Variants in SH3GL2 observed in about 807,000 individuals in gnomAD.
SH3GL2 encodes the protein endophilin-A1.
A neutral mutation model predicts 46.0 loss-of-function variants in SH3GL2; 24 were observed. The ratio of observed to expected loss-of-function variants is 0.52; its 90% CI spans 0.38 to 0.73. SH3GL2 has a LOEUF of 0.73. SH3GL2 is among the 30% of genes least tolerant of loss of function. SH3GL2 has a pLI of 0.00. For missense variants in SH3GL2, 413 were observed against 424.2 expected, an observed-to-expected ratio of 0.97 and a Z score of 0.23; for synonymous variants, 196 against 147.1, an observed-to-expected ratio of 1.33 and a Z score of -2.40.
At chr9:17,666,842 A>C (rs1820356675) in intron 1 of SH3GL2, among the ~76,000 whole-genome samples, 2 of 152,130 alleles carry the variant, frequency 1.3e-5, no homozygotes, top group African/African-American at 2.4e-5. Context: ...ATTCCCATCC[A>C]TAAAGGCTGT....
At chr9:17,786,238 G>C (rs560548148) in intron 3 of SH3GL2, 143 bp from the exon 4 acceptor site, 2 of 661,048 alleles carry the variant, frequency 3.0e-6, no homozygotes, top group South Asian at 2.3e-5. Flanking sequence ...GACTGACGGA[G>C]AGAACACTGG....
At chr9:17,697,694 T>C (rs1165605972) in intron 1 of SH3GL2, among the ~76,000 whole-genome samples, 1 of 152,178 alleles carries the variant, frequency 6.6e-6, no homozygotes, top group Non-Finnish European at 1.5e-5. Context: ...TGAAACCATA[T>C]CATTGCCCCC....
chr9:17,769,762 C>T (rs1452634095), intron 3 of SH3GL2, among the ~76,000 whole-genome samples: 1 of 152,168 alleles, frequency 6.6e-6, no homozygotes, highest in African/African-American at 2.4e-5. Context: ...GTTTTCACAT[C>T]ACTCCCATTT....
chr9:17,791,424 A>T (rs1206708298), intron 7 of SH3GL2, 90 bp downstream of exon 7: 6 of 969,080 alleles, frequency 6.2e-6, no homozygotes, highest in Non-Finnish European at 9.8e-6. Context: ...ACATTTGGAG[A>T]CAAACGTCTG....
chr9:17,661,072 G>T lies in SH3GL2; in HGVS notation c.45+81785G>T, dbSNP rs548263435. ...AGTTACTCGGGAGGCTGAGGCAGGAGAATCGCTTGAACCTGGGAGGCAGAG... is the reference window on the plus strand; with the variant it reads ...AGTTACTCGGGAGGCTGAGGCAGGATAATCGCTTGAACCTGGGAGGCAGAG... On this transcript the variant is annotated intron_variant, in intron 1 of 8. Coordinates refer to ENST00000380607, the MANE Select transcript of SH3GL2 (RefSeq NM_003026.5). Among the ~76,000 whole-genome samples the T allele has an allele frequency of 2.6e-5, 4 of 152,244 alleles. No homozygotes were observed. The South Asian group carries it at 8.3e-4, about 32-fold the overall frequency.
rs188154710 is a variant in SH3GL2 at position 17,584,905 on chromosome 9, T to A, written c.45+5618T>A. Among the ~76,000 whole-genome samples the A allele has an allele frequency of 2.9e-3, 445 of 152,376 alleles. 1 individual carries two copies. Among genetic ancestry groups the A allele is most frequent in the Non-Finnish European group, 5.0e-3 (343 of 68,040 alleles). ...TGCAAGCTTTTTTCCCCATAGTGAT[T>A]CTTTAATATTTTAAATTGAGTTTAT... On this transcript the variant is annotated intron_variant, in intron 1 of 8. Transcript: ENST00000380607.
chr9:17,638,226 G>A (rs1037541913), intron 1 of SH3GL2, among the ~76,000 whole-genome samples: 4 of 151,842 alleles, frequency 2.6e-5, no homozygotes, highest in Admixed American at 6.6e-5. Context: ...TATCCTAGAG[G>A]GGCCCTTAAA....
At chr9:17,636,456 G>T (rs1235758968) in intron 1 of SH3GL2, among the ~76,000 whole-genome samples, 1 of 152,134 alleles carries the variant, frequency 6.6e-6, no homozygotes, top group Non-Finnish European at 1.5e-5. Flanking sequence ...TAACAGCATG[G>T]CATAACCTGA....
chr9:17,711,959 A>T (rs533340941), intron 1 of SH3GL2, among the ~76,000 whole-genome samples: 2 of 151,902 alleles, frequency 1.3e-5, no homozygotes, highest in South Asian at 4.2e-4. Flanking sequence ...GTTGCTCTAC[A>T]CCCTCACTAA....
chr9:17,645,018 G>T (rs1177213991), intron 1 of SH3GL2, among the ~76,000 whole-genome samples: 1 of 151,990 alleles, frequency 6.6e-6, no homozygotes. Flanking sequence ...TGTATTGGGT[G>T]CATCTATATT....
intron 1 of SH3GL2, among the ~76,000 whole-genome samples, chr9:17,620,418 A>G (rs141616927): frequency 1.3e-5 from 2 of 152,184 alleles, no homozygotes; most frequent in Non-Finnish European, 1.5e-5. Flanking sequence ...ATGTTACTTA[A>G]TTTATTACTC....
intron 1 of SH3GL2, among the ~76,000 whole-genome samples, chr9:17,727,216 G>A (rs1346798087): frequency 3.9e-5 from 6 of 152,018 alleles, no homozygotes; most frequent in Non-Finnish European, 8.8e-5. Flanking sequence ...GGTTGTATGC[G>A]GTATAGTATT....
intron 1 of SH3GL2, among the ~76,000 whole-genome samples, chr9:17,582,078 A>C (rs1353597624): frequency 6.6e-6 from 1 of 152,216 alleles, no homozygotes; most frequent in Non-Finnish European, 1.5e-5. Flanking sequence ...ATGATAAATA[A>C]AACAGTATAT....
At chr9:17,716,950 G>A (rs1001530421) in intron 1 of SH3GL2, among the ~76,000 whole-genome samples, 1 of 152,076 alleles carries the variant, frequency 6.6e-6, no homozygotes, top group Non-Finnish European at 1.5e-5. Context: ...ACATACATAT[G>A]GTTGATTGGT....
intron 1 of SH3GL2, among the ~76,000 whole-genome samples, chr9:17,661,552 T>C (rs1275550463): frequency 6.6e-6 from 1 of 152,230 alleles, no homozygotes; most frequent in Non-Finnish European, 1.5e-5. Flanking sequence ...CAATGTGTCA[T>C]ATAAAGAGAA....
intron 1 of SH3GL2, among the ~76,000 whole-genome samples, chr9:17,650,820 C>A (rs1184532268): frequency 1.3e-5 from 2 of 152,214 alleles, no homozygotes; most frequent in East Asian, 3.8e-4. Flanking sequence ...CATCTTGAGA[C>A]TGCCTTCTGC....
chr9:17,705,187 A>G (rs1821439969), intron 1 of SH3GL2, among the ~76,000 whole-genome samples: 2 of 152,260 alleles, frequency 1.3e-5, no homozygotes, highest in South Asian at 2.1e-4. Flanking sequence ...CAAAATGACA[A>G]TGAGATACTA....
intron 1 of SH3GL2, among the ~76,000 whole-genome samples, chr9:17,628,979 C>A (rs1031264795): frequency 1.4e-5 from 2 of 144,842 alleles, no homozygotes; most frequent in East Asian, 2.0e-4. Context: ...AATTAAATTA[C>A]CTTTTTTTTT....
chr9:17,621,417 T>C (rs189300822), intron 1 of SH3GL2, among the ~76,000 whole-genome samples: 1 of 152,366 alleles, frequency 6.6e-6, no homozygotes, highest in East Asian at 1.9e-4. Flanking sequence ...CTGATGATTT[T>C]TGTGGCACCT....
Sources: allele counts gnomAD v4.1 joint callset (sites outside exome capture counted in the v4.1 genomes callset), GRCh38; gene constraint gnomAD v4.1.1; transcripts MANE v1.5; gene names NCBI Gene and HGNC (gene_info 2026-07-23, HGNC 2026-07-21).